Variants in CDH23 observed in about 807,000 individuals in gnomAD.
CDH23 encodes the protein cadherin related 23.
Under a neutral mutation model 317.1 loss-of-function variants are expected in CDH23, and 189 were observed. The observed-to-expected ratio is 0.60, with a 90% CI of 0.53 to 0.67. The LOEUF is 0.67. Ranked by LOEUF, CDH23 falls within the 30% of genes least tolerant of loss-of-function variation. The pLI is 0.00. For missense variants in CDH23, 4,401 were observed against 4,592.4 expected, an observed-to-expected ratio of 0.96 and a Z score of 1.20; for synonymous variants, 1,839 against 1,876.8, an observed-to-expected ratio of 0.98 and a Z score of 0.52.
chr10:71,413,789 T>G (rs1848429293), intron 1 of CDH23, among the ~76,000 whole-genome samples: 1 of 152,254 alleles, frequency 6.6e-6, no homozygotes, highest in South Asian at 2.1e-4. Flanking sequence ...TTGCTTCAGC[T>G]TCCCAAGCAG....
chr10:71,642,264 T>C (rs948957550), intron 11 of CDH23, among the ~76,000 whole-genome samples: 2 of 152,020 alleles, frequency 1.3e-5, no homozygotes, highest in African/African-American at 4.8e-5. Flanking sequence ...GCAAGGCCAA[T>C]GCATTTCACA....
At chr10:71,511,748 G>A (rs1350951029) in intron 6 of CDH23, 2 of 159,304 alleles carry the variant, frequency 1.3e-5, no homozygotes, top group African/African-American at 4.8e-5. Flanking sequence ...GCCATTGCTG[G>A]TAATTGAGAA....
chr10:71,420,527 A>G (rs796693166), intron 1 of CDH23, among the ~76,000 whole-genome samples: 1,529 of 12,826 alleles, frequency 0.12, no homozygotes, highest in Non-Finnish European at 0.15. Flanking sequence ...GGTGAAGGTG[A>G]TGATGATGAT....
intron 53 of CDH23, among the ~76,000 whole-genome samples, chr10:71,801,150 C>CTCTTTTTTTT (rs765969201): frequency 2.7e-5 from 2 of 73,984 alleles, no homozygotes; most frequent in African/African-American, 1.2e-4. Context: ...CTCTCTCTCT[C>CTCTTTTTTTT]TTTTTTTTTT....
chr10:71,724,639 T>C (rs760988084), intron 29 of CDH23, among the ~76,000 whole-genome samples: 1 of 152,184 alleles, frequency 6.6e-6, no homozygotes, highest in Non-Finnish European at 1.5e-5. Flanking sequence ...AGTCCTGCTG[T>C]CCTGCAGAGC....
Position 71,397,421 on chromosome 10 carries a change from C to G in CDH23, c.-6+103C>G, listed in dbSNP as rs1431880687. ...GGAAGTTGGTGGTGACCGCGGCTGC[C>G]GAACCACTTGTTCCCAGCGCGGCCA... On this transcript the variant is annotated intron_variant, in intron 1 of 69. Transcript: ENST00000224721. The surrounding 1 kb of genome is among the most constrained non-coding windows in gnomAD (Gnocchi z 4.8). 1 of 151,878 alleles carries G rather than the reference C, an allele frequency of 6.6e-6. No individual in the cohort carries two copies. Among genetic ancestry groups the G allele is most frequent in the Non-Finnish European group, 1.5e-5 (1 of 67,960 alleles). 9.4% of individuals were successfully genotyped at this position (151,878 alleles called of 1,614,324 possible). A position where few individuals can be genotyped will look rare whatever the true frequency, so the allele number is the denominator to read the frequency against.
At chr10:71,654,392 T>C (rs901697491) in intron 14 of CDH23, among the ~76,000 whole-genome samples, 6 of 152,208 alleles carry the variant, frequency 3.9e-5, no homozygotes, top group Admixed American at 6.5e-5. Context: ...CTACATTCAG[T>C]CAACAGTCAG....
At chr10:71,737,724 G>A (rs775007932) in intron 34 of CDH23, 2 of 470,898 alleles carry the variant, frequency 4.2e-6, no homozygotes, top group South Asian at 3.1e-5. Context: ...GAACCCCTGG[G>A]TACCTGTGAT....
intron 21 of CDH23, among the ~76,000 whole-genome samples, chr10:71,694,512 T>C (rs1865303297): frequency 6.6e-6 from 1 of 151,994 alleles, no homozygotes; most frequent in Non-Finnish European, 1.5e-5. Flanking sequence ...CTCCTGCCCC[T>C]AAAAATCCAG....
intron 3 of CDH23, among the ~76,000 whole-genome samples, chr10:71,451,739 C>G (rs1850455101): frequency 6.6e-6 from 1 of 152,186 alleles, no homozygotes; most frequent in Non-Finnish European, 1.5e-5. Flanking sequence ...TGGCTCCCTT[C>G]TTGGCCTGTG....
Position 71,799,494 on chromosome 10 carries a change from G to A in CDH23, c.7227G>A (p.Glu2409=). ...TCTCCCTGCCCCCTGGGCTCCAGGA[G>A]GCTGTCTTTGAGGATGTGCCTGTGG... ...NPIFDQPSYQ[E]AVFEDVPVGT... is the part of the protein sequence containing the mutation. The change falls in exon 52 of 70, where the codon GAG becomes GAA. Residue 2409 remains glutamate (E), a splice_region_variant and synonymous_variant. Transcript: ENST00000224721. 6.2e-7 allele frequency: 1 copy of A among 1,614,046 alleles called. No homozygotes were observed. The highest frequency in any genetic ancestry group is 8.5e-7 in the Non-Finnish European group (1 of 1,179,910).
intron 7 of CDH23, among the ~76,000 whole-genome samples, chr10:71,569,222 C>G (rs1857613465): frequency 6.6e-6 from 1 of 152,206 alleles, no homozygotes; most frequent in Non-Finnish European, 1.5e-5. Flanking sequence ...AGCACCCACT[C>G]CCATCCCTAA....
intron 9 of CDH23, among the ~76,000 whole-genome samples, chr10:71,584,912 G>A (rs1858943829): frequency 6.6e-6 from 1 of 152,210 alleles, no homozygotes; most frequent in African/African-American, 2.4e-5. Flanking sequence ...CACCAGGAAG[G>A]AGTCCAGGGC....
chr10:71,779,509 A>G, intron 41 of CDH23, 62 bp downstream of exon 41: 5 of 1,417,286 alleles, frequency 3.5e-6, no homozygotes, highest in Non-Finnish European at 4.7e-6. Context: ...TCAGGGGAGG[A>G]TAAGAAGGGA....
chr10:71,687,529 G>T, intron 18 of CDH23, 118 bp from the exon 19 acceptor site: 2 of 854,362 alleles, frequency 2.3e-6, no homozygotes, highest in East Asian at 5.2e-5. Context: ...TATACGGAGA[G>T]GCCAAAGCTC....
intron 38 of CDH23, among the ~76,000 whole-genome samples, chr10:71,769,122 A>C (rs10999991): frequency 0.062 from 9,496 of 152,322 alleles, 420 homozygotes; most frequent in African/African-American, 0.11. Context: ...TTTTACATTA[A>C]ATAACATTGA....
chr10:71,571,138 G>A (rs977233974), intron 8 of CDH23, among the ~76,000 whole-genome samples: 1 of 152,216 alleles, frequency 6.6e-6, no homozygotes, highest in Non-Finnish European at 1.5e-5. Context: ...GGGGCTCTGT[G>A]TGGCAAAGAA....
intron 3 of CDH23, among the ~76,000 whole-genome samples, chr10:71,482,488 C>T (rs1219650037): frequency 2.6e-5 from 4 of 152,212 alleles, no homozygotes; most frequent in African/African-American, 9.6e-5. Flanking sequence ...TGGGAAGCCT[C>T]CTGTTCTCTA....
At chr10:71,633,487 TG>T (rs1344539847) in intron 11 of CDH23, among the ~76,000 whole-genome samples, 2 of 152,152 alleles carry the variant, frequency 1.3e-5, no homozygotes, top group Non-Finnish European at 2.9e-5. Flanking sequence ...CAGCCCTGCC[TG>T]GGGGCAGCTG....
Sources: gnomAD v4.1 joint callset for allele counts (sites outside exome capture counted in the v4.1 genomes callset) on GRCh38, gnomAD v4.1.1 for gene constraint, Gnocchi (gnomAD v3.1) non-coding constraint, MANE v1.5 for transcripts, NCBI Gene and HGNC (gene_info 2026-07-23, HGNC 2026-07-21) for gene names.